The following ARMH3 variants were observed in gnomAD, a reference collection of about 807,000 sequenced individuals.
ARMH3 encodes the protein armadillo-like helical domain-containing protein 3.
In ARMH3, 60 loss-of-function variants were observed where a neutral mutation model predicts 99.1. That is an observed-to-expected ratio of 0.61 (90% confidence interval 0.49 to 0.75). The LOEUF (loss-of-function observed/expected upper bound fraction) is 0.75, where lower values mean the gene tolerates loss of function less well. Ranked by LOEUF, ARMH3 falls within the 30% of genes least tolerant of loss-of-function variation. ARMH3 has a pLI of 0.00. For missense variants in ARMH3, 679 were observed against 843.1 expected (o/e 0.81, Z 2.41); for synonymous variants, 285 against 292.8 (o/e 0.97, Z 0.27).
chr10:101,892,691 T>C (rs1189523352), intron 23 of ARMH3, among the ~76,000 whole-genome samples: 1 of 152,160 alleles, frequency 6.6e-6, no homozygotes, highest in Non-Finnish European at 1.5e-5. Context: ...GAAATATTTG[T>C]TGAAAGAGGG....
At chr10:102,031,875 A>C (rs2067139199) in intron 4 of ARMH3, among the ~76,000 whole-genome samples, 1 of 152,144 alleles carries the variant, frequency 6.6e-6, no homozygotes, top group South Asian at 2.1e-4. Context: ...AGTAGCTGGG[A>C]TTACAGGCAT....
chr10:101,946,941 G>C (rs1250996478), intron 22 of ARMH3, among the ~76,000 whole-genome samples: 1 of 151,778 alleles, frequency 6.6e-6, no homozygotes, highest in Non-Finnish European at 1.5e-5. Flanking sequence ...TGGTGGCTCA[G>C]CACTTTGAGA....
chr10:102,009,518 G>C, intron 12 of ARMH3, 69 bp from the exon 13 acceptor site: 2 of 1,260,664 alleles, frequency 1.6e-6, no homozygotes, highest in Non-Finnish European at 2.3e-6. Flanking sequence ...TAACCATGAA[G>C]ATAAGATTGG....
chr10:101,901,990 A>G (rs1035142542), intron 23 of ARMH3, among the ~76,000 whole-genome samples: 1 of 152,196 alleles, frequency 6.6e-6, no homozygotes, highest in East Asian at 1.9e-4. Context: ...CCTCAACATC[A>G]GCTTTATTAA....
At chr10:101,904,780 T>G (rs562985969) in intron 23 of ARMH3, among the ~76,000 whole-genome samples, 1 of 151,882 alleles carries the variant, frequency 6.6e-6, no homozygotes, top group South Asian at 2.1e-4. Flanking sequence ...GGTAAAACCC[T>G]GTCTCTACTA....
At chr10:101,961,711 T>C (rs577391701) in intron 20 of ARMH3, among the ~76,000 whole-genome samples, 37 of 152,166 alleles carry the variant, frequency 2.4e-4, no homozygotes, top group Non-Finnish European at 5.0e-4. Flanking sequence ...TTTAGAAAAC[T>C]GCCCTTGATC....
At chr10:102,040,787 A>T (rs981668842) in intron 1 of ARMH3, among the ~76,000 whole-genome samples, 3 of 152,184 alleles carry the variant, frequency 2.0e-5, no homozygotes, top group Admixed American at 6.6e-5. Context: ...CACTGCCCAC[A>T]GACTGATGGT....
At chr10:101,959,785 T>G (rs1845196951) in intron 20 of ARMH3, among the ~76,000 whole-genome samples, 1 of 152,190 alleles carries the variant, frequency 6.6e-6, no homozygotes, top group South Asian at 2.1e-4. Context: ...CACAATACTC[T>G]GAGAGTCAGT....
At chr10:101,945,516 G>A (rs1450864005) in intron 22 of ARMH3, among the ~76,000 whole-genome samples, 3 of 152,060 alleles carry the variant, frequency 2.0e-5, no homozygotes, top group Non-Finnish European at 4.4e-5. Context: ...TCAGGAGTTC[G>A]AGACCAGCCT....
At chr10:102,005,378 C>T (rs1305576091) in intron 14 of ARMH3, among the ~76,000 whole-genome samples, 2 of 101,522 alleles carry the variant, frequency 2.0e-5, no homozygotes, top group African/African-American at 3.8e-5. Context: ...AAGACTCTGT[C>T]TCAAAAAAAA....
chr10:101,927,051 T>C (rs746252346), intron 23 of ARMH3, among the ~76,000 whole-genome samples: 1 of 152,168 alleles, frequency 6.6e-6, no homozygotes, highest in Non-Finnish European at 1.5e-5. Flanking sequence ...TCTCCCCCTC[T>C]CAATCTCTCT....
At chr10:102,021,262 T>C (rs1178239143) in intron 8 of ARMH3, among the ~76,000 whole-genome samples, 3 of 151,944 alleles carry the variant, frequency 2.0e-5, no homozygotes, top group Non-Finnish European at 2.9e-5. Context: ...TTTTTAAAAA[T>C]ATAGATGGAG....
intron 19 of ARMH3, among the ~76,000 whole-genome samples, chr10:101,985,245 CGTGT>C (rs538047956): frequency 7.0e-6 from 1 of 143,038 alleles, no homozygotes; most frequent in African/African-American, 2.6e-5. Context: ...TGTATATATA[CGTGT>C]GTATATATAT....
chr10:101,978,864 C>T (rs539455249), intron 19 of ARMH3, among the ~76,000 whole-genome samples: 14 of 152,026 alleles, frequency 9.2e-5, no homozygotes, highest in African/African-American at 3.4e-4. Flanking sequence ...TGCTTGAACC[C>T]GGGAGGTCGA....
At chr10:101,872,602 G>A (rs1484157873) in intron 24 of ARMH3, among the ~76,000 whole-genome samples, 1 of 152,138 alleles carries the variant, frequency 6.6e-6, no homozygotes, top group Non-Finnish European at 1.5e-5. Context: ...GGAGGCTGAA[G>A]CAGGAGAATC....
At chr10:101,993,742 C>T in intron 16 of ARMH3, 139 bp from the exon 17 acceptor site, 1 of 525,812 alleles carries the variant, frequency 1.9e-6, no homozygotes, top group Non-Finnish European at 3.3e-6. Context: ...GAGCCTAGAG[C>T]CTTATGTCAA....
intron 16 of ARMH3, among the ~76,000 whole-genome samples, chr10:101,995,009 C>G (rs1846988635): frequency 6.6e-6 from 1 of 152,198 alleles, no homozygotes; most frequent in Non-Finnish European, 1.5e-5. Flanking sequence ...GCACTCCAGC[C>G]TGGGCAACAG....
intron 8 of ARMH3, among the ~76,000 whole-genome samples, chr10:102,014,995 C>G (rs1048277590): frequency 2.0e-5 from 3 of 152,166 alleles, no homozygotes; most frequent in African/African-American, 7.2e-5. Context: ...GGCTCATTCC[C>G]CACACAGACC....
intron 23 of ARMH3, among the ~76,000 whole-genome samples, chr10:101,907,471 C>T (rs1434489349): frequency 5.9e-5 from 9 of 151,794 alleles, no homozygotes; most frequent in Non-Finnish European, 1.3e-4. Context: ...CAACCTCCGC[C>T]GCCTGGGTTC....
Sources: allele counts gnomAD v4.1 joint callset (sites outside exome capture counted in the v4.1 genomes callset), GRCh38; gene constraint gnomAD v4.1.1; transcripts MANE v1.5; gene names NCBI Gene and HGNC (gene_info 2026-07-23, HGNC 2026-07-21).